The following SLC35B4 variants were observed in gnomAD, a reference collection of about 807,000 sequenced individuals.
The protein encoded by SLC35B4 is solute carrier family 35 member B4.
SLC35B4 carries 28 observed loss-of-function variants against 39.5 expected under a neutral mutation model. The observed-to-expected ratio is 0.71, with a 90% confidence interval of 0.53 to 0.97. The LOEUF (loss-of-function observed/expected upper bound fraction) is 0.97, where lower values mean the gene tolerates loss of function less well. SLC35B4 is among the 50% of genes least tolerant of loss of function. SLC35B4 has a pLI of 0.00. For synonymous variants in SLC35B4, 145 were observed against 150.4 expected (o/e 0.96, Z 0.26); for missense variants, 334 against 414.3 (o/e 0.81, Z 1.68).
intron 8 of SLC35B4, among the ~76,000 whole-genome samples, chr7:134,298,155 A>C (rs755736412): frequency 1.2e-4 from 18 of 152,222 alleles, no homozygotes; most frequent in Non-Finnish European, 2.4e-4. Context: ...GCATACACAT[A>C]AAGACTAATT....
In SLC35B4 at chr7:134,294,820, C is replaced by T. The variant is rs1467043370; in HGVS notation, c.*13G>A. On this transcript the variant is annotated 3_prime_UTR_variant, in exon 10 of 10. Transcript: ENST00000378509. ...CCTCACGACGACACTGGTCTACGTA[C>T]TCCAGACAGGCCTCAGTTCTTCTTG... 1 of 1,613,642 alleles carries T rather than the reference C, an allele frequency of 6.2e-7. No homozygotes were observed. The highest frequency in any genetic ancestry group is 8.5e-7 in the Non-Finnish European group (1 of 1,179,878).
intron 8 of SLC35B4, among the ~76,000 whole-genome samples, chr7:134,297,092 T>C (rs1585634113): frequency 6.6e-6 from 1 of 152,274 alleles, no homozygotes; most frequent in East Asian, 1.9e-4. Context: ...GGCTCATTTT[T>C]GTATTTTTAG....
intron 3 of SLC35B4, among the ~76,000 whole-genome samples, chr7:134,305,335 C>CATAT (rs1554484065): frequency 5.0e-5 from 5 of 99,208 alleles, no homozygotes; most frequent in Middle Eastern, 4.7e-3. Flanking sequence ...CAAAAATATA[C>CATAT]GTATATATAT....
Position 134,299,582 on chromosome 7 carries a change from G to A in SLC35B4, c.614C>T (p.Pro205Leu), listed in dbSNP as rs758741629. The A allele has an allele frequency of 4.2e-5, 68 of 1,613,670 alleles. No individual in the cohort carries two copies. The highest frequency in any genetic ancestry group is 5.6e-5 in the Non-Finnish European group (66 of 1,179,830). ...ATCAGAAGCCAAGAAGACGAAACCC[G>A]GAAGTGGAAGGGCGTGCTATGGAAA... is the stretch of plus-strand genomic sequence containing the variant. ...ALFYNHALPL[P>L]GFVFLASDIY... Residue 205 changes from proline to leucine, a missense_variant, in exon 8 of 10, where the codon CCG becomes CTG. Coordinates refer to ENST00000378509, the MANE Select transcript of SLC35B4 (RefSeq NM_032826.5).
At chr7:134,311,146 C>G (rs1421917583) in intron 1 of SLC35B4, among the ~76,000 whole-genome samples, 4 of 152,190 alleles carry the variant, frequency 2.6e-5, no homozygotes, top group African/African-American at 9.6e-5. Flanking sequence ...GCTTTCTATT[C>G]AATTCAACAA....
rs1384406901 is a variant in SLC35B4 at position 134,291,709 on chromosome 7, T to C, written c.*3124A>G. The C allele has an allele frequency of 6.6e-6, 1 of 152,146 alleles. No individual in the cohort carries two copies. Among genetic ancestry groups the C allele is most frequent in the Admixed American group, 6.5e-5 (1 of 15,276 alleles). 9.4% of individuals were successfully genotyped at this position (152,146 alleles called of 1,614,324 possible). A position where few individuals can be genotyped will look rare whatever the true frequency, so the allele number is the denominator to read the frequency against. ...GAGGAAAAAACTAAAAACAAAGTAT[T>C]TGGATTTGTCTAAATACTTTAGAAC... On this transcript the variant is annotated 3_prime_UTR_variant, in exon 10 of 10. Coordinates refer to ENST00000378509, the MANE Select transcript of SLC35B4 (RefSeq NM_032826.5).
intron 8 of SLC35B4, chr7:134,299,236 A>G (rs1467488371): frequency 3.0e-6 from 1 of 335,330 alleles, no homozygotes; most frequent in East Asian, 6.6e-5. Flanking sequence ...GTAAGTATTC[A>G]TTTGCATTCT....
At chr7:134,301,156 A>T (rs1055392123) in intron 6 of SLC35B4, among the ~76,000 whole-genome samples, 5 of 152,208 alleles carry the variant, frequency 3.3e-5, no homozygotes, top group African/African-American at 4.8e-5. Context: ...TTCTCTTCCA[A>T]TTGGTCAGTC....
chr7:134,316,540 G>A, intron 1 of SLC35B4, 135 bp downstream of exon 1: 2 of 854,952 alleles, frequency 2.3e-6, no homozygotes, highest in Non-Finnish European at 1.8e-6. Context: ...TTGCTGGGGG[G>A]CTCAGGCCGT....
chr7:134,300,367 T>C (rs1240590195), intron 6 of SLC35B4, 106 bp from the exon 7 acceptor site: 1 of 721,012 alleles, frequency 1.4e-6, no homozygotes, highest in Non-Finnish European at 2.3e-6. Flanking sequence ...ATGAACTAAT[T>C]GTAGAACATG....
At chr7:134,296,519 T>C in intron 8 of SLC35B4, 53 bp from the exon 9 acceptor site, 2 of 1,400,820 alleles carry the variant, frequency 1.4e-6, no homozygotes, top group Non-Finnish European at 2.0e-6. Flanking sequence ...AGCTGAATTT[T>C]TCATCTTTTG....
rs980998745 is a variant in SLC35B4 at position 134,293,461 on chromosome 7, A to T, written c.*1372T>A. The T allele has an allele frequency of 3.9e-5, 6 of 152,214 alleles. No homozygotes were observed. The highest frequency in any genetic ancestry group is 1.4e-4 in the African/African-American group (6 of 41,458). The allele number at this position is 152,214 out of a possible 1,614,324, so 9.4% of individuals were successfully genotyped here. The stretch of plus-strand genomic sequence containing the variant: ...TAAAGCACATCCAACCATCCTCAAT[A>T]CCCATCGAGAATGCTAAGATACCTC... On this transcript the variant is annotated 3_prime_UTR_variant, in exon 10 of 10. Coordinates refer to ENST00000378509, the MANE Select transcript of SLC35B4 (RefSeq NM_032826.5).
intron 6 of SLC35B4, among the ~76,000 whole-genome samples, 193 bp downstream of exon 6, chr7:134,301,568 C>A (rs1803582125): frequency 1.3e-5 from 2 of 152,186 alleles, no homozygotes; most frequent in Admixed American, 1.3e-4. Flanking sequence ...AACATACTGC[C>A]ATGAATGTGG....
Position 134,306,614 on chromosome 7 carries a change from C to G in SLC35B4, c.294+58G>C. 2.2e-6 allele frequency: 3 copies of G among 1,393,334 alleles called. No individual in the cohort carries two copies. The Admixed American group carries it at 5.7e-5, about 26-fold the overall frequency. The allele number at this position is 1,393,334 out of a possible 1,614,324, so 86.3% of individuals were successfully genotyped here. On this transcript the variant is annotated intron_variant, in intron 3 of 9. Coordinates refer to ENST00000378509, the MANE Select transcript of SLC35B4 (RefSeq NM_032826.5). ...CTTCTAGTTCTGCCATATATTCAAT[C>G]GATCTACTTAACTATACTTTTCAGA...
upstream of SLC35B4, among the ~76,000 whole-genome samples, chr7:134,317,278 T>C (rs1315658613): frequency 6.6e-6 from 1 of 152,194 alleles, no homozygotes; most frequent in East Asian, 1.9e-4. Context: ...TGTTCTAGCA[T>C]CTGAAACAAC....
At chr7:134,299,232 AT>A in intron 8 of SLC35B4, 1 of 326,934 alleles carries the variant, frequency 3.1e-6, no homozygotes, top group Non-Finnish European at 5.8e-6. Flanking sequence ...TGCTGTAAGT[AT>A]TCATTTGCAT....
chr7:134,296,335 C>T, intron 9 of SLC35B4, 56 bp downstream of exon 9: 2 of 1,434,726 alleles, frequency 1.4e-6, no homozygotes, highest in Non-Finnish European at 2.0e-6. Context: ...ATGACCATTC[C>T]TGTGCCAAAA....
rs1009827060 is a variant in SLC35B4, at chr7:134,291,552, G to A, written c.*3281C>T. On this transcript the variant is annotated 3_prime_UTR_variant, in exon 10 of 10. Transcript: ENST00000378509. ...TATTAGAATCCTTGAAAAACATCAC[G>A]CCATCTTTCCAGAAGAAGAGAAGAG... 3 of 152,142 alleles carry A rather than the reference G, an allele frequency of 2.0e-5. No individual in the cohort carries two copies. The highest frequency in any genetic ancestry group is 3.9e-4 in the East Asian group (2 of 5,190). 9.4% of individuals were successfully genotyped at this position (152,142 alleles called of 1,614,324 possible).
chr7:134,301,186 A>G (rs1442968095), intron 6 of SLC35B4, among the ~76,000 whole-genome samples: 1 of 152,194 alleles, frequency 6.6e-6, no homozygotes, highest in Non-Finnish European at 1.5e-5. Flanking sequence ...TATTGTTGTC[A>G]TTGAAAGCCC....
Sources: gnomAD v4.1 joint callset for allele counts (sites outside exome capture counted in the v4.1 genomes callset) on GRCh38, gnomAD v4.1.1 for gene constraint, MANE v1.5 for transcripts, NCBI Gene and HGNC (gene_info 2026-07-23, HGNC 2026-07-21) for gene names.